ESRRB: variants seen among roughly 807,000 people sequenced by gnomAD.
ESRRB encodes estrogen related receptor beta, also known as steroid hormone receptor ERR2.
A neutral mutation model predicts 46.0 loss-of-function variants in ESRRB; 16 were observed. The observed-to-expected ratio is 0.35, with a 90% CI of 0.24 to 0.53. ESRRB has a LOEUF of 0.53. Among genes scored for constraint, ESRRB ranks in the 20% least tolerant of loss-of-function variants. ESRRB has a pLI of 0.93. For missense variants in ESRRB, 488 were observed against 607.4 expected (o/e 0.80, Z 2.07); for synonymous variants, 246 against 259.6 (o/e 0.95, Z 0.50).
chr14:76,367,574 T>G, upstream of ESRRB, among the ~76,000 whole-genome samples: 1 of 145,282 alleles, frequency 6.9e-6, no homozygotes. Context: ...AAAAAAAAAA[T>G]CACGCCACGA....
chr14:76,454,460 C>T (rs943971015), intron 2 of ESRRB, among the ~76,000 whole-genome samples: 1 of 152,022 alleles, frequency 6.6e-6, no homozygotes, highest in Non-Finnish European at 1.5e-5. Flanking sequence ...GAGAAACATG[C>T]GAGCCTATCT....
chr14:76,346,344 G>A (rs116425088), intron 1 of ESRRB, among the ~76,000 whole-genome samples: 1,620 of 152,196 alleles, frequency 0.011, 20 homozygotes, highest in African/African-American at 0.036. Flanking sequence ...CCCTCTGATC[G>A]GCTGAGACGC....
intron 2 of ESRRB, among the ~76,000 whole-genome samples, chr14:76,447,463 T>A: frequency 6.6e-6 from 1 of 152,274 alleles, no homozygotes; most frequent in African/African-American, 2.4e-5. Flanking sequence ...CAGTTGTCTC[T>A]GAAATCAGGA....
intron 3 of ESRRB, among the ~76,000 whole-genome samples, chr14:76,470,351 C>T (rs775273636): frequency 2.5e-4 from 38 of 152,298 alleles, no homozygotes; most frequent in Non-Finnish European, 4.3e-4. Context: ...GTTTCATTCC[C>T]GCTCATTTCT....
intron 1 of ESRRB, among the ~76,000 whole-genome samples, chr14:76,429,943 T>A (rs1887368850): frequency 6.6e-6 from 1 of 152,042 alleles, no homozygotes; most frequent in Non-Finnish European, 1.5e-5. Flanking sequence ...ACCATTGGCC[T>A]ACTTGCCCCT....
In ESRRB at chr14:76,499,827, C is replaced by T. The variant is rs755145575; in HGVS notation, c.*1369C>T. ...ATGGCCGTGAAAGTTTTCACTAACT[C>T]AAGGGGCAGCCCTGAACACCCATTT... On this transcript the variant is annotated 3_prime_UTR_variant, in exon 7 of 7. Transcript: ENST00000644823. The T allele has an allele frequency of 3.8e-6, 6 of 1,579,786 alleles. No homozygotes were observed. In the South Asian group the frequency reaches 6.6e-5, roughly 17 times the overall value.
At chr14:76,406,826 C>T (rs1439831926) in intron 1 of ESRRB, among the ~76,000 whole-genome samples, 1 of 152,210 alleles carries the variant, frequency 6.6e-6, no homozygotes, top group South Asian at 2.1e-4. Context: ...TGCTAAGAAG[C>T]CATTAATGCC....
intron 1 of ESRRB, among the ~76,000 whole-genome samples, chr14:76,417,324 T>C (rs935218073): frequency 1.3e-5 from 2 of 151,954 alleles, no homozygotes; most frequent in African/African-American, 4.8e-5. Flanking sequence ...TTGGCACACT[T>C]GGGGAAGAGC....
At chr14:76,380,228 C>T (rs899263576) in intron 1 of ESRRB, among the ~76,000 whole-genome samples, 1 of 152,168 alleles carries the variant, frequency 6.6e-6, no homozygotes, top group African/African-American at 2.4e-5. Context: ...GAGCAAAGAT[C>T]TGCCTACTTC....
At chr14:76,392,714 G>A (rs919074398) in intron 1 of ESRRB, among the ~76,000 whole-genome samples, 2 of 152,226 alleles carry the variant, frequency 1.3e-5, no homozygotes, top group South Asian at 2.1e-4. Context: ...CATGTGGCTC[G>A]GGGGCTGCCA....
chr14:76,353,082 C>T (rs1395310414), intron 1 of ESRRB, among the ~76,000 whole-genome samples: 1 of 152,152 alleles, frequency 6.6e-6, no homozygotes, highest in Non-Finnish European at 1.5e-5. Flanking sequence ...TTCTCTCTCT[C>T]CATTGCTCTT....
chr14:76,393,692 T>C (rs1449544769), intron 1 of ESRRB, among the ~76,000 whole-genome samples: 1 of 152,164 alleles, frequency 6.6e-6, no homozygotes, highest in Non-Finnish European at 1.5e-5. Context: ...GTCCAGCAGA[T>C]GCCTGCAAGA....
chr14:76,395,105 C>G (rs1454544450), intron 1 of ESRRB, among the ~76,000 whole-genome samples: 2 of 138,422 alleles, frequency 1.4e-5, no homozygotes, highest in African/African-American at 5.7e-5. Context: ...CCGTTTCCGA[C>G]AGTCAGCCCC....
At chr14:76,389,061 A>G (rs1227221596) in intron 1 of ESRRB, among the ~76,000 whole-genome samples, 1 of 152,172 alleles carries the variant, frequency 6.6e-6, no homozygotes, top group Non-Finnish European at 1.5e-5. Flanking sequence ...TATGGAGCGT[A>G]TCTTCAGTTC....
intron 2 of ESRRB, among the ~76,000 whole-genome samples, chr14:76,442,816 C>CTTTTTTTTTTTTTTTTT (rs1245748328): frequency 7.6e-6 from 1 of 131,082 alleles, no homozygotes; most frequent in Non-Finnish European, 1.6e-5. Context: ...TCTTTTTTTT[C>CTTTTTTTTTTTTTTTTT]TTTTTTTTTT....
chr14:76,396,217 C>A (rs1386425820), intron 1 of ESRRB, among the ~76,000 whole-genome samples: 1 of 151,972 alleles, frequency 6.6e-6, no homozygotes, highest in African/African-American at 2.4e-5. Context: ...AAAAAAACAG[C>A]CTTCACAGGT....
At chr14:76,362,803 T>A (rs1313474988) in intron 1 of ESRRB, among the ~76,000 whole-genome samples, 2 of 152,172 alleles carry the variant, frequency 1.3e-5, no homozygotes, top group Admixed American at 6.5e-5. Flanking sequence ...AATGGGGTGA[T>A]CCCTTCTTCC....
At chr14:76,325,540 G>A (rs2139731144) in intron 1 of ESRRB, among the ~76,000 whole-genome samples, 1 of 152,242 alleles carries the variant, frequency 6.6e-6, no homozygotes, top group Admixed American at 6.5e-5. Context: ...TCGTATTAAT[G>A]CATCTGATCT....
upstream of ESRRB, among the ~76,000 whole-genome samples, chr14:76,370,215 C>A (rs893533493): frequency 7.3e-6 from 1 of 137,274 alleles, no homozygotes; most frequent in African/African-American, 2.6e-5. Flanking sequence ...TGGCAAAACC[C>A]CATCCCTGCT....
Sources: allele counts gnomAD v4.1 joint callset (sites outside exome capture counted in the v4.1 genomes callset), GRCh38; gene constraint gnomAD v4.1.1; transcripts MANE v1.5; gene names NCBI Gene and HGNC (gene_info 2026-07-23, HGNC 2026-07-21).